The following ESF1 variants were observed in gnomAD, a reference collection of about 807,000 sequenced individuals.
ESF1 encodes ESF1 homolog.
ESF1 carries 58 observed loss-of-function variants against 92.0 expected under a neutral mutation model. The observed-to-expected ratio is 0.63, with a 90% CI of 0.51 to 0.78. ESF1 has a LOEUF of 0.78. Among genes scored for constraint, ESF1 ranks in the 30% least tolerant of loss-of-function variants. ESF1 has a pLI of 0.00. For synonymous variants in ESF1, 321 were observed against 313.7 expected, an observed-to-expected ratio of 1.02 and a Z score of -0.24; for missense variants, 922 against 989.1, an observed-to-expected ratio of 0.93 and a Z score of 0.91.
chr20:13,738,025 C>T (rs2049986688), intron 9 of ESF1, among the ~76,000 whole-genome samples: 1 of 152,186 alleles, frequency 6.6e-6, no homozygotes, highest in South Asian at 2.1e-4. Flanking sequence ...ATCAAAGACA[C>T]TCCTTCAAAC....
Position 13,733,778 on chromosome 20 carries a change from A to G in ESF1, c.1893T>C (p.Pro631=), listed in dbSNP as rs2147733698. 1 of 1,613,188 alleles carries G rather than the reference A, an allele frequency of 6.2e-7. No homozygotes were observed. The highest frequency in any genetic ancestry group is 8.5e-7 in the Non-Finnish European group (1 of 1,179,854). The change falls in exon 10 of 14, where the codon CCT becomes CCC. Residue 631 remains proline, a synonymous_variant. Coordinates refer to ENST00000617257, the MANE Select transcript of ESF1 (RefSeq NM_001276380.2). ...NKLEGKDKLT[P]WEQFLEKKKE... ...TCTTCTTCTCTAAAAATTGTTCCCA[A>G]GGGGTCAGTTTATCCTTTCCTTCCA... is the stretch of plus-strand genomic sequence containing the variant.
rs773405110 is a variant in ESF1, at chr20:13,782,832, T to C, written c.309A>G (p.Lys103=). Residue 103 remains lysine, a synonymous_variant, in exon 2 of 14, where the codon AAA becomes AAG. Transcript: ENST00000617257. ...CAACTAGATTTTTTGAATCGATTTC[T>C]TTTTTAGTCTGGGTTTTTTTCTTCT... ...KIKKKKTQTK[K]EIDSKNLVEK... is the part of the protein sequence containing the mutation. 5.2e-5 allele frequency: 83 copies of C among 1,604,458 alleles called. 2 individuals are homozygous for C. In the South Asian group the frequency reaches 7.7e-4, roughly 15 times the overall value.
intron 9 of ESF1, among the ~76,000 whole-genome samples, chr20:13,735,770 T>C (rs1286482590): frequency 6.6e-6 from 1 of 152,116 alleles, no homozygotes; most frequent in Admixed American, 6.5e-5. Flanking sequence ...TAGAAATTTT[T>C]TCACCAAAAA....
intron 10 of ESF1, among the ~76,000 whole-genome samples, chr20:13,728,709 A>G (rs1435793881): frequency 1.3e-5 from 2 of 151,874 alleles, no homozygotes; most frequent in Non-Finnish European, 2.9e-5. Context: ...TTCTAAAAAT[A>G]CAAAAAAATT....
At chr20:13,762,348 C>A (rs7272997) in intron 8 of ESF1, among the ~76,000 whole-genome samples, 2,464 of 152,234 alleles carry the variant, frequency 0.016, 73 homozygotes, top group African/African-American at 0.055. Flanking sequence ...GGATGGAATT[C>A]TGTCATGTAT....
chr20:13,726,815 C>T (rs1410609809), intron 11 of ESF1, among the ~76,000 whole-genome samples: 1 of 144,150 alleles, frequency 6.9e-6, no homozygotes, highest in African/African-American at 2.6e-5. Context: ...AAATTCTGGC[C>T]TTGCTGTTTT....
In ESF1 at chr20:13,782,921, G is replaced by A; in HGVS notation, c.220C>T (p.Leu74Phe). 1 of 1,614,000 alleles carries A rather than the reference G, an allele frequency of 6.2e-7. No homozygotes were observed. Among genetic ancestry groups the A allele is most frequent in the Non-Finnish European group, 8.5e-7 (1 of 1,179,996 alleles). ...TTEDLKRFYD[L>F]SDSDSNLSGE... ...GAGAGATTGGAATCAGAATCTGAAAGGTCGTAAAAACGCTTCAAATCCTCT... is the reference window on the plus strand; with the variant it reads ...GAGAGATTGGAATCAGAATCTGAAAAGTCGTAAAAACGCTTCAAATCCTCT... Residue 74 changes from leucine (L) to phenylalanine (F), a missense_variant, in exon 2 of 14, where the codon CTT becomes TTT. Transcript: ENST00000617257.
At chr20:13,766,122 T>A (rs1184418116) in intron 8 of ESF1, among the ~76,000 whole-genome samples, 1 of 152,158 alleles carries the variant, frequency 6.6e-6, no homozygotes, top group Non-Finnish European at 1.5e-5. Context: ...ATTAAAAATT[T>A]AAGAGTAGAG....
chr20:13,726,087 G>C (rs2049898856), intron 11 of ESF1, among the ~76,000 whole-genome samples: 1 of 152,108 alleles, frequency 6.6e-6, no homozygotes, highest in African/African-American at 2.4e-5. Context: ...CGGCATGCCA[G>C]GTAAACAACC....
In ESF1 at chr20:13,717,423, T is replaced by C. The variant is rs1430443424; in HGVS notation, c.2207A>G (p.Lys736Arg). Residue 736 changes from lysine to arginine, a missense_variant, in exon 13 of 14, where the codon AAA (lysine) becomes AGA (arginine). Coordinates refer to ENST00000617257, the MANE Select transcript of ESF1 (RefSeq NM_001276380.2). ...TTTCATGAGCTGCTTTTTCTTCTTT[T>C]TGCTCAGATTCTGGTGCTCCACAAT... is the stretch of plus-strand genomic sequence containing the variant. Reference protein sequence around the residue: ...NKIVEHQNLSKKKKKQLMKKK... With the variant: ...NKIVEHQNLSRKKKKQLMKKK... The C allele has an allele frequency of 1.9e-6, 3 of 1,614,176 alleles. No homozygotes were observed. The East Asian group carries it at 6.7e-5, about 36-fold the overall frequency.
chr20:13,776,059 C>T lies in ESF1; in HGVS notation c.849G>A (p.Glu283=), dbSNP rs1004573697. 8 of 1,613,134 alleles carry T rather than the reference C, an allele frequency of 5.0e-6. No individual in the cohort carries two copies. Among genetic ancestry groups the T allele is most frequent in the Non-Finnish European group, 6.8e-6 (8 of 1,179,428 alleles). The change falls in exon 3 of 14, where the codon GAG becomes GAA. Residue 283 remains glutamate (E), a synonymous_variant. Coordinates refer to ENST00000617257, the MANE Select transcript of ESF1 (RefSeq NM_001276380.2). ...EDDEEEDEDE[E]EDEDEDSEDD... is the part of the protein sequence containing the mutation. ...CCTCACTATCCTCATCTTCATCCTC[C>T]TCTTCATCTTCATCCTCCTCTTCAT...
Position 13,733,674 on chromosome 20 carries a change from A to G in ESF1, c.1950+47T>C, listed in dbSNP as rs570466868. 1.9e-6 allele frequency: 3 copies of G among 1,577,164 alleles called. No homozygotes were observed. In the South Asian group the frequency reaches 3.5e-5, roughly 18 times the overall value. ...TTCCAAGCACCTGGTACCATCTGAT[A>G]TATGGTTGGTATTCAACAAACATTT... On this transcript the variant is annotated intron_variant, in intron 10 of 13. Coordinates refer to ENST00000617257, the MANE Select transcript of ESF1 (RefSeq NM_001276380.2).
intron 9 of ESF1, among the ~76,000 whole-genome samples, chr20:13,751,362 C>A (rs75401436): frequency 0.015 from 2,302 of 152,264 alleles, 63 homozygotes; most frequent in African/African-American, 0.051. Flanking sequence ...ATACATGTGA[C>A]AAGTTTTCTT....
At chr20:13,739,596 T>C (rs554637192) in intron 9 of ESF1, among the ~76,000 whole-genome samples, 1 of 152,198 alleles carries the variant, frequency 6.6e-6, no homozygotes, top group Non-Finnish European at 1.5e-5. Context: ...CAAAGAAGAC[T>C]GAAGAACTAC....
intron 11 of ESF1, among the ~76,000 whole-genome samples, chr20:13,727,194 T>C (rs1298660560): frequency 1.3e-5 from 2 of 152,176 alleles, no homozygotes; most frequent in East Asian, 3.9e-4. Flanking sequence ...ATTTCTCCAT[T>C]ATAAAGTTGG....
intron 9 of ESF1, among the ~76,000 whole-genome samples, chr20:13,744,831 G>A (rs1489961905): frequency 6.6e-6 from 1 of 152,094 alleles, no homozygotes; most frequent in Non-Finnish European, 1.5e-5. Context: ...TCCCCATGTA[G>A]GCTTTAGGCT....
chr20:13,760,880 T>C (rs1394810720), intron 8 of ESF1, among the ~76,000 whole-genome samples: 2 of 152,324 alleles, frequency 1.3e-5, no homozygotes, highest in African/African-American at 4.8e-5. Flanking sequence ...CTGGGAGGTG[T>C]ACCCAACAGC....
chr20:13,728,470 A>G lies in ESF1; in HGVS notation c.1951-5T>C. ...ACTGGCCTCTTCAGCAAGAGCCTTAAAAGTTGAATATAAAAATACAAAATT... is the reference window on the plus strand; with the variant it reads ...ACTGGCCTCTTCAGCAAGAGCCTTAGAAGTTGAATATAAAAATACAAAATT... On this transcript the variant is annotated splice_polypyrimidine_tract_variant and splice_region_variant and intron_variant, in intron 10 of 13. Coordinates refer to ENST00000617257, the MANE Select transcript of ESF1 (RefSeq NM_001276380.2). 1 of 1,587,378 alleles carries G rather than the reference A, an allele frequency of 6.3e-7. No homozygotes were observed.
rs528299556 is a variant in ESF1, at chr20:13,733,565, T to C, written c.1950+156A>G. On this transcript the variant is annotated intron_variant, in intron 10 of 13. Coordinates refer to ENST00000617257, the MANE Select transcript of ESF1 (RefSeq NM_001276380.2). ...TTATGTGGCCATGATGAAAAAACTTTCTGCATTCTCACTTTCCTCTTTCTT... is the reference window on the plus strand; with the variant it reads ...TTATGTGGCCATGATGAAAAAACTTCCTGCATTCTCACTTTCCTCTTTCTT... 2.6e-5 allele frequency among the ~76,000 whole-genome samples: 4 copies of C among 152,346 alleles called. No homozygotes were observed. In the South Asian group the frequency reaches 8.3e-4, roughly 32 times the overall value.
Sources: gnomAD v4.1 joint callset for allele counts (sites outside exome capture counted in the v4.1 genomes callset) on GRCh38, gnomAD v4.1.1 for gene constraint, MANE v1.5 for transcripts, NCBI Gene and HGNC (gene_info 2026-07-23, HGNC 2026-07-21) for gene names.